Variants in C9orf85 observed in about 807,000 individuals in gnomAD.
C9orf85 encodes the protein uncharacterized protein C9orf85.
In C9orf85, 16 loss-of-function variants were observed where a neutral mutation model predicts 14.9. That is an observed-to-expected ratio of 1.08 (90% CI 0.73 to 1.63). The LOEUF (loss-of-function observed/expected upper bound fraction) is 1.63, where lower values mean the gene tolerates loss of function less well. Ranked by LOEUF, C9orf85 falls within the 40% of genes most tolerant of loss-of-function variation. The pLI is 0.00. For missense variants in C9orf85, 172 were observed against 186.1 expected, an observed-to-expected ratio of 0.92 and a Z score of 0.44; for synonymous variants, 45 against 56.8, an observed-to-expected ratio of 0.79 and a Z score of 0.93.
intron 2 of C9orf85, among the ~76,000 whole-genome samples, chr9:71,963,431 C>T (rs950727518): frequency 5.9e-5 from 9 of 152,146 alleles, no homozygotes; most frequent in African/African-American, 1.9e-4. Context: ...TGGGCTCCCA[C>T]TTTGGCGGCA....
At chr9:71,982,057 C>T (rs1823106579) in intron 3 of C9orf85, among the ~76,000 whole-genome samples, 1 of 152,130 alleles carries the variant, frequency 6.6e-6, no homozygotes, top group Admixed American at 6.6e-5. Flanking sequence ...AGCCACTCCC[C>T]ATTCCCACTC....
intron 2 of C9orf85, among the ~76,000 whole-genome samples, chr9:71,952,304 G>T (rs1822264163): frequency 6.6e-6 from 1 of 152,144 alleles, no homozygotes; most frequent in South Asian, 2.1e-4. Flanking sequence ...GACATTGTCT[G>T]CTGTTGAGTA....
At chr9:71,976,950 A>G (rs559936777), downstream of C9orf85, among the ~76,000 whole-genome samples, 21 of 152,278 alleles carry the variant, frequency 1.4e-4, no homozygotes, top group African/African-American at 5.1e-4. Context: ...TACCTCACTG[A>G]CAAGAAGAAA....
At chr9:71,921,331 T>C (rs1163294105) in intron 1 of C9orf85, among the ~76,000 whole-genome samples, 1 of 152,202 alleles carries the variant, frequency 6.6e-6, no homozygotes, top group African/African-American at 2.4e-5. Context: ...GGAGGCTTCA[T>C]CTACATGACA....
chr9:71,916,548 T>C (rs536273592), intron 1 of C9orf85, among the ~76,000 whole-genome samples: 1 of 152,314 alleles, frequency 6.6e-6, no homozygotes, highest in African/African-American at 2.4e-5. Context: ...TTGAACTAAT[T>C]TGTTGTGGAG....
intron 1 of C9orf85, among the ~76,000 whole-genome samples, chr9:71,920,417 A>C (rs1483508214): frequency 1.2e-4 from 19 of 152,206 alleles, no homozygotes; most frequent in Admixed American, 1.2e-3. Flanking sequence ...CTATTCTGCA[A>C]ATTCTTCATT....
chr9:71,930,664 G>GCA (rs900793024), intron 1 of C9orf85, among the ~76,000 whole-genome samples: 7 of 151,366 alleles, frequency 4.6e-5, no homozygotes, highest in African/African-American at 1.7e-4. Flanking sequence ...AAATAGCCAG[G>GCA]CATGGTGGCA....
At chr9:71,960,265 T>C (rs11143040) in intron 2 of C9orf85, among the ~76,000 whole-genome samples, 23,231 of 152,208 alleles carry the variant, frequency 0.15, 2,091 homozygotes, top group Non-Finnish European at 0.2. Flanking sequence ...TCATAGACAA[T>C]ACAGATAATC....
At chr9:71,971,387 T>C in intron 2 of C9orf85, 118 bp from the exon 3 acceptor site, 1 of 513,972 alleles carries the variant, frequency 1.9e-6, no homozygotes, top group Non-Finnish European at 3.3e-6. Context: ...ACACCTGAAA[T>C]TGAAACCTAG....
At chr9:71,922,270 T>G (rs1827829313) in intron 1 of C9orf85, among the ~76,000 whole-genome samples, 1 of 152,054 alleles carries the variant, frequency 6.6e-6, no homozygotes, top group Admixed American at 6.6e-5. Context: ...GATTCCCAGA[T>G]CATTCATTAT....
chr9:71,928,956 C>T (rs1193457535), intron 1 of C9orf85, among the ~76,000 whole-genome samples: 1 of 152,134 alleles, frequency 6.6e-6, no homozygotes, highest in African/African-American at 2.4e-5. Flanking sequence ...CATGTGAATA[C>T]TGAGCTTTAA....
intron 2 of C9orf85, among the ~76,000 whole-genome samples, chr9:71,970,243 C>T (rs1344734526): frequency 2.0e-5 from 3 of 152,136 alleles, no homozygotes; most frequent in East Asian, 1.9e-4. Context: ...CCACGGCACC[C>T]GGCCAGTTTT....
intron 3 of C9orf85, among the ~76,000 whole-genome samples, chr9:71,972,281 AG>A (rs1822896455): frequency 6.6e-6 from 1 of 151,692 alleles, no homozygotes; most frequent in South Asian, 2.1e-4. Context: ...TTTTTTGAGA[AG>A]GAGTTTCGCT....
Position 71,911,659 on chromosome 9 carries a change from C to T in C9orf85, c.-76C>T. The T allele has an allele frequency of 4.8e-6, 6 of 1,260,462 alleles. No homozygotes were observed. Among genetic ancestry groups the T allele is most frequent in the Admixed American group, 1.7e-5 (1 of 59,256 alleles). 78.1% of individuals were successfully genotyped at this position (1,260,462 alleles called of 1,614,324 possible). A position where few individuals can be genotyped will look rare whatever the true frequency, so the allele number is the denominator to read the frequency against. ...GGGTCATTGACAGAAGCGTCAATTCCTGGGAGTAGTTCGTTGGTTTTCTTT... is the reference window on the plus strand; with the variant it reads ...GGGTCATTGACAGAAGCGTCAATTCTTGGGAGTAGTTCGTTGGTTTTCTTT... On this transcript the variant is annotated 5_prime_UTR_variant, in exon 1 of 4. Coordinates refer to ENST00000334731, the MANE Select transcript of C9orf85 (RefSeq NM_182505.5).
intron 1 of C9orf85, among the ~76,000 whole-genome samples, chr9:71,932,896 TA>T (rs1176313522): frequency 6.6e-6 from 1 of 151,834 alleles, no homozygotes; most frequent in Non-Finnish European, 1.5e-5. Context: ...GATATATGAA[TA>T]AAATGTAAAT....
chr9:71,915,918 A>G (rs896497706), intron 1 of C9orf85, among the ~76,000 whole-genome samples: 4 of 152,332 alleles, frequency 2.6e-5, no homozygotes, highest in South Asian at 4.1e-4. Context: ...GTTTTGCACT[A>G]TGCCAAAAAG....
At chr9:71,957,884 A>G (rs912742693) in intron 2 of C9orf85, among the ~76,000 whole-genome samples, 6 of 152,196 alleles carry the variant, frequency 3.9e-5, no homozygotes, top group African/African-American at 7.2e-5. Context: ...TCTTAGATCA[A>G]TAAAATCCTT....
intron 1 of C9orf85, chr9:71,918,363 ATC>A: frequency 1.0e-6 from 1 of 998,784 alleles, no homozygotes; most frequent in Non-Finnish European, 1.4e-6. Context: ...GATATTGAAT[ATC>A]TCAGCTAACC....
chr9:71,914,739 C>G (rs973375656), intron 1 of C9orf85, among the ~76,000 whole-genome samples: 5 of 152,090 alleles, frequency 3.3e-5, no homozygotes, highest in African/African-American at 1.2e-4. Flanking sequence ...ATCAAAGTAA[C>G]AAAAATAGGT....
Sources: allele counts gnomAD v4.1 joint callset (sites outside exome capture counted in the v4.1 genomes callset), GRCh38; gene constraint gnomAD v4.1.1; transcripts MANE v1.5; gene names NCBI Gene and HGNC (gene_info 2026-07-23, HGNC 2026-07-21).